DCAF8L2: variants seen among roughly 807,000 people sequenced by gnomAD.
DCAF8L2 encodes DDB1- and CUL4-associated factor 8-like protein 2.
For missense variants in DCAF8L2, 430 were observed against 490.7 expected (o/e 0.88, Z 1.17); for synonymous variants, 200 against 190.9 (o/e 1.05, Z -0.39).
rs1273500082 is a variant in DCAF8L2, at chrX:27,749,568, T to G, written c.*777T>G. On this transcript the variant is annotated 3_prime_UTR_variant, in exon 5 of 5. Coordinates refer to ENST00000451261, the MANE Select transcript of DCAF8L2 (RefSeq NM_001353450.2). ...AAGAACTAAATTAAATTTGATCACA[T>G]GACATTGTTTACTCTGTGCATTAAG... is the stretch of plus-strand genomic sequence containing the variant. Among the ~76,000 whole-genome samples the G allele has an allele frequency of 8.9e-6, 1 of 112,128 alleles. No individual in the cohort carries two copies. Among genetic ancestry groups the G allele is most frequent in the African/African-American group, 3.2e-5 (1 of 30,877 alleles).
At chrX:27,605,258 A>T (rs1926819012) in intron 1 of DCAF8L2, among the ~76,000 whole-genome samples, 1 of 111,620 alleles carries the variant, frequency 9.0e-6, no homozygotes, top group Non-Finnish European at 1.9e-5. Flanking sequence ...TTGAACTATT[A>T]TGTTTTGAAT....
At chrX:27,550,790 A>G in the DCAF8L2 span, among the ~76,000 whole-genome samples, 1 of 107,473 alleles carries the variant, frequency 9.3e-6, no homozygotes, top group Non-Finnish European at 1.9e-5. Context: ...GTACAGGCAT[A>G]ACAATATTTT....
the DCAF8L2 span, among the ~76,000 whole-genome samples, chrX:27,536,865 C>CTTTGAGG: frequency 8.9e-6 from 1 of 112,174 alleles, no homozygotes; most frequent in East Asian, 2.8e-4. Context: ...GCATCTATCA[C>CTTTGAGG]TTTGAGGGAA....
intron 2 of DCAF8L2, among the ~76,000 whole-genome samples, chrX:27,676,067 T>A (rs772834370): frequency 9.0e-6 from 1 of 111,000 alleles, no homozygotes; most frequent in East Asian, 2.8e-4. Context: ...TGAAAGAGAG[T>A]CACAGTTTAT....
At chrX:27,569,472 C>T in the DCAF8L2 span, among the ~76,000 whole-genome samples, 1 of 111,735 alleles carries the variant, frequency 8.9e-6, no homozygotes, top group African/African-American at 3.2e-5. Flanking sequence ...ATGGCCAATA[C>T]CTTTTTTTGT....
intron 1 of DCAF8L2, among the ~76,000 whole-genome samples, chrX:27,601,075 C>T (rs1441506985): frequency 9.0e-6 from 1 of 111,001 alleles, no homozygotes; most frequent in African/African-American, 3.3e-5. Context: ...GTAGCTGGGA[C>T]TACAAGTGTG....
chrX:27,575,392 A>G, the DCAF8L2 span, among the ~76,000 whole-genome samples: 1 of 111,051 alleles, frequency 9.0e-6, no homozygotes, highest in Non-Finnish European at 1.9e-5. Flanking sequence ...GGAAAATGCA[A>G]CATTTGGGCT....
intron 1 of DCAF8L2, among the ~76,000 whole-genome samples, chrX:27,591,003 A>ATATATATATATATATATG (rs1221009748): frequency 1.0e-5 from 1 of 95,640 alleles, no homozygotes; most frequent in East Asian, 3.3e-4. Flanking sequence ...ATATATATAT[A>ATATATATATATATATATG]TATATATATA....
intron 3 of DCAF8L2, among the ~76,000 whole-genome samples, chrX:27,715,123 T>C (rs750998983): frequency 2.7e-5 from 3 of 110,629 alleles, no homozygotes; most frequent in East Asian, 2.9e-4. Context: ...CCGGGCACGG[T>C]GGCTCATGCC....
chrX:27,748,942 T>C lies in DCAF8L2; in HGVS notation c.*151T>C. Reference sequence around the variant, plus strand: ...TGCTGAAAACCGTCTCTTCCATTCCTTCCTCTCTACTTTCCTTTCTTTCTT... The same window carrying C: ...TGCTGAAAACCGTCTCTTCCATTCCCTCCTCTCTACTTTCCTTTCTTTCTT... On this transcript the variant is annotated 3_prime_UTR_variant, in exon 5 of 5. Coordinates refer to ENST00000451261, the MANE Select transcript of DCAF8L2 (RefSeq NM_001353450.2). 1 of 670,024 alleles carries C rather than the reference T, an allele frequency of 1.5e-6. No homozygotes were observed. Among genetic ancestry groups the C allele is most frequent in the Non-Finnish European group, 2.1e-6 (1 of 470,820 alleles). 55.2% of individuals were successfully genotyped at this position (670,024 alleles called of 1,213,427 possible). A position where few individuals can be genotyped will look rare whatever the true frequency, so the allele number is the denominator to read the frequency against.
chrX:27,585,629 C>T (rs1925890037), upstream of DCAF8L2, among the ~76,000 whole-genome samples: 1 of 112,199 alleles, frequency 8.9e-6, no homozygotes, highest in Non-Finnish European at 1.9e-5. Flanking sequence ...TTAAGTATCA[C>T]AGAAGCACAT....
At chrX:27,528,381 G>A in the DCAF8L2 span, among the ~76,000 whole-genome samples, 4 of 104,189 alleles carry the variant, frequency 3.8e-5, no homozygotes, top group Non-Finnish European at 7.8e-5. Flanking sequence ...CATTAATTTC[G>A]ACAATATTCT....
At chrX:27,547,845 T>TTTCTCTCTCTCTCTCTCTC in the DCAF8L2 span, among the ~76,000 whole-genome samples, 1 of 46,289 alleles carries the variant, frequency 2.2e-5, no homozygotes, top group African/African-American at 7.3e-5. Flanking sequence ...CTCTCTCTCT[T>TTTCTCTCTCTCTCTCTCTC]TCTCTCTCTC....
At chrX:27,736,341 T>C (rs940980068) in intron 4 of DCAF8L2, among the ~76,000 whole-genome samples, 3 of 111,861 alleles carry the variant, frequency 2.7e-5, no homozygotes, top group African/African-American at 6.5e-5. Flanking sequence ...TCATCTTTTA[T>C]CTGCACTATT....
chrX:27,642,608 G>A (rs1353880893), intron 2 of DCAF8L2, among the ~76,000 whole-genome samples: 2 of 111,263 alleles, frequency 1.8e-5, no homozygotes, highest in Admixed American at 1.9e-4. Flanking sequence ...CAAAACGCCA[G>A]ATACCTTCAT....
chrX:27,478,968 G>C, the DCAF8L2 span, among the ~76,000 whole-genome samples: 1 of 111,160 alleles, frequency 9.0e-6, no homozygotes, highest in Non-Finnish European at 1.9e-5. Context: ...ATTTGTGTAT[G>C]GGCTTAACCT....
chrX:27,746,730 AGAAT>A lies in DCAF8L2; in HGVS notation c.-58-107_-58-104del, dbSNP rs1922186583. On this transcript the variant is annotated intron_variant, in intron 4 of 4. Transcript: ENST00000451261. ...ATCCCATACTGGCAACTGCCTTGGC[AGAAT>A]AGTTTATTTAGTCTCCTTTAGCCAA... 9 of 462,896 alleles carry A rather than the reference AGAAT, an allele frequency of 1.9e-5. No homozygotes were observed. The East Asian group carries it at 3.3e-4, about 17-fold the overall frequency. 38.1% of individuals were successfully genotyped at this position (462,896 alleles called of 1,213,427 possible).
intron 1 of DCAF8L2, among the ~76,000 whole-genome samples, chrX:27,616,021 A>T (rs376096616): frequency 1.8e-5 from 2 of 111,352 alleles, no homozygotes. Flanking sequence ...TAAGACATTT[A>T]AATTTTTTTC....
At chrX:27,600,638 A>G (rs927975472) in intron 1 of DCAF8L2, among the ~76,000 whole-genome samples, 14 of 112,380 alleles carry the variant, frequency 1.2e-4, no homozygotes, top group African/African-American at 4.2e-4. Context: ...ATGAATGGTC[A>G]CTAAAGGAAA....
Sources: allele counts gnomAD v4.1 joint callset (sites outside exome capture counted in the v4.1 genomes callset), GRCh38; gene constraint gnomAD v4.1.1; transcripts MANE v1.5; gene names NCBI Gene and HGNC (gene_info 2026-07-23, HGNC 2026-07-21).